Variants in ADGRA3 observed in about 807,000 individuals in gnomAD.
ADGRA3 encodes the protein G-protein coupled receptor 125.
ADGRA3 carries 56 observed loss-of-function variants against 119.8 expected under a neutral mutation model. The observed-to-expected ratio is 0.47, with a 90% CI of 0.38 to 0.58. The LOEUF (loss-of-function observed/expected upper bound fraction) is 0.58, where lower values mean the gene tolerates loss of function less well. ADGRA3 is among the 20% of genes least tolerant of loss of function. The probability of loss-of-function intolerance (pLI) is 0.00; values close to 1 mark genes in which losing one functional copy is unlikely to be tolerated. For missense variants in ADGRA3, 1,516 were observed against 1,649.0 expected, an observed-to-expected ratio of 0.92 and a Z score of 1.40; for synonymous variants, 607 against 623.8, an observed-to-expected ratio of 0.97 and a Z score of 0.40.
intron 14 of ADGRA3, among the ~76,000 whole-genome samples, chr4:22,404,806 G>A (rs1714832877): frequency 6.6e-6 from 1 of 152,156 alleles, no homozygotes; most frequent in Non-Finnish European, 1.5e-5. Context: ...ATATTAGTAG[G>A]GAAATTCAAA....
At chr4:22,498,231 A>T (rs1450101015) in intron 1 of ADGRA3, among the ~76,000 whole-genome samples, 1 of 139,146 alleles carries the variant, frequency 7.2e-6, no homozygotes, top group East Asian at 2.1e-4. Flanking sequence ...TGGGCAACAA[A>T]AGCGAAACGA....
chr4:22,415,511 A>T (rs910760005), intron 12 of ADGRA3, among the ~76,000 whole-genome samples: 1 of 152,198 alleles, frequency 6.6e-6, no homozygotes, highest in African/African-American at 2.4e-5. Flanking sequence ...TCCATTAAGT[A>T]CACAAATTTC....
At chr4:22,453,215 A>AAG (rs1717122086) in intron 4 of ADGRA3, among the ~76,000 whole-genome samples, 5 of 92,296 alleles carry the variant, frequency 5.4e-5, no homozygotes, top group Admixed American at 1.3e-4. Context: ...AAAAAAAAAA[A>AAG]AAGAAAGAAA....
chr4:22,461,092 T>C, intron 3 of ADGRA3, among the ~76,000 whole-genome samples: 1 of 152,224 alleles, frequency 6.6e-6, no homozygotes. Flanking sequence ...CTTTAAATCA[T>C]TACTTAAAAG....
Position 22,387,841 on chromosome 4 carries a change from T to C in ADGRA3, c.3830A>G (p.Gln1277Arg), listed in dbSNP as rs142653146. 3.4e-4 allele frequency: 549 copies of C among 1,614,180 alleles called. 1 individual carries two copies. Among genetic ancestry groups the C allele is most frequent in the Middle Eastern group, 9.9e-4 (6 of 6,060 alleles). The change falls in exon 19 of 19, where the codon CAG (glutamine) becomes CGG (arginine). Residue 1277 changes from glutamine (Q) to arginine (R), a missense_variant. By Grantham distance (43) the Gln-to-Arg change is conservative. Around this residue, in one of 2 missense-constraint regions of ADGRA3, gnomAD observed 1,088 missense variants for 1,107.1 expected, o/e 0.98. Transcript: ENST00000334304. ...RKPAVVELEN[Q>R]QKSYGLNLAI... ...CAAGTTGAGGCCATAAGATTTTTGC[T>C]GATTTTCAAGTTCAACCACAGCTGG...
intron 1 of ADGRA3, among the ~76,000 whole-genome samples, chr4:22,501,588 G>A (rs571777707): frequency 7.9e-5 from 12 of 152,140 alleles, no homozygotes; most frequent in African/African-American, 2.7e-4. Flanking sequence ...TTCATTGACT[G>A]CAGGTCCTGG....
At chr4:22,464,364 T>C (rs1717577663) in intron 2 of ADGRA3, among the ~76,000 whole-genome samples, 1 of 152,140 alleles carries the variant, frequency 6.6e-6, no homozygotes, top group Admixed American at 6.6e-5. Flanking sequence ...TCAGGAAGCT[T>C]CACGAAATAC....
chr4:22,389,123 G>C lies in ADGRA3; in HGVS notation c.2688C>G (p.Asn896Lys). 1 of 1,614,042 alleles carries C rather than the reference G, an allele frequency of 6.2e-7. No individual in the cohort carries two copies. The highest frequency in any genetic ancestry group is 8.5e-7 in the Non-Finnish European group (1 of 1,179,922). ...TTGGCCGACTGCCGTAATTCTTAAT[G>C]TTCGCTGCTGCAGTTATGCCGCAAA... ...IIVCGITAAANIKNYGSRPNA... is the reference protein window; with the variant it reads ...IIVCGITAAAKIKNYGSRPNA... The change falls in exon 18 of 19, where the codon AAC (asparagine) becomes AAG (lysine). Residue 896 changes from asparagine to lysine, a missense_variant. By Grantham distance (94) the Asn-to-Lys change is moderately conservative (BLOSUM62 0). This residue lies in a region of ADGRA3 where 1,088 missense variants were observed against 1,107.1 expected (regional missense o/e 0.98). Transcript: ENST00000334304.
chr4:22,477,903 G>A (rs1431814264), intron 1 of ADGRA3, among the ~76,000 whole-genome samples: 1 of 151,942 alleles, frequency 6.6e-6, no homozygotes, highest in Admixed American at 6.6e-5. Flanking sequence ...TTGAAATAGG[G>A]GACTGTGGAA....
chr4:22,481,649 G>A (rs1398303560), intron 1 of ADGRA3, among the ~76,000 whole-genome samples: 2 of 152,120 alleles, frequency 1.3e-5, no homozygotes, highest in African/African-American at 4.8e-5. Context: ...CGTGTACAAA[G>A]GATTTCCTCT....
chr4:22,422,378 G>C (rs747869705), intron 11 of ADGRA3, among the ~76,000 whole-genome samples: 1 of 152,190 alleles, frequency 6.6e-6, no homozygotes, highest in Non-Finnish European at 1.5e-5. Context: ...AAAATAATTA[G>C]TGGTTCCCAA....
intron 2 of ADGRA3, among the ~76,000 whole-genome samples, chr4:22,463,025 CAGCTGGGT>C (rs1255583224): frequency 1.3e-5 from 2 of 152,326 alleles, no homozygotes; most frequent in East Asian, 3.9e-4. Flanking sequence ...GGGACACCCT[CAGCTGGGT>C]CTGTTTGTCA....
intron 14 of ADGRA3, among the ~76,000 whole-genome samples, chr4:22,409,927 A>T (rs950934074): frequency 6.6e-6 from 1 of 152,244 alleles, no homozygotes; most frequent in Non-Finnish European, 1.5e-5. Flanking sequence ...ACTGTATGTT[A>T]ATGTGTAGAA....
chr4:22,495,207 T>C (rs1455090944), intron 1 of ADGRA3, among the ~76,000 whole-genome samples: 2 of 151,892 alleles, frequency 1.3e-5, no homozygotes, highest in Non-Finnish European at 2.9e-5. Context: ...TGGACAAAGG[T>C]CTGATTCAAG....
chr4:22,469,473 T>A (rs930355336), intron 2 of ADGRA3, among the ~76,000 whole-genome samples: 12 of 152,156 alleles, frequency 7.9e-5, no homozygotes, highest in African/African-American at 2.9e-4. Context: ...CACACCCACT[T>A]CTTCCCACAC....
chr4:22,488,883 G>A (rs1385825901), intron 1 of ADGRA3, among the ~76,000 whole-genome samples: 2 of 152,064 alleles, frequency 1.3e-5, no homozygotes, highest in Non-Finnish European at 2.9e-5. Flanking sequence ...AAGGAGAAGA[G>A]TGGCAATAAT....
chr4:22,405,172 G>A (rs886360465), intron 14 of ADGRA3, among the ~76,000 whole-genome samples: 2 of 152,054 alleles, frequency 1.3e-5, no homozygotes, highest in African/African-American at 4.8e-5. Flanking sequence ...GGATACCATC[G>A]AATAAAACAT....
At chr4:22,408,565 A>G (rs1345120274) in intron 14 of ADGRA3, among the ~76,000 whole-genome samples, 1 of 152,212 alleles carries the variant, frequency 6.6e-6, no homozygotes, top group African/African-American at 2.4e-5. Flanking sequence ...AATAGTCACC[A>G]GAGAAATGCA....
At chr4:22,461,666 G>T in intron 3 of ADGRA3, 71 bp downstream of exon 3, 2 of 1,058,406 alleles carry the variant, frequency 1.9e-6, no homozygotes, top group South Asian at 1.4e-5. Context: ...TTTTCATCAT[G>T]TTAAAGTAAG....
Sources: gnomAD v4.1 joint callset for allele counts (sites outside exome capture counted in the v4.1 genomes callset) on GRCh38, gnomAD v4.1.1 for gene constraint, gnomAD v4.1.1 regional missense constraint, MANE v1.5 for transcripts, NCBI Gene and HGNC (gene_info 2026-07-23, HGNC 2026-07-21) for gene names.